The following PADI6 variants were observed in gnomAD, a reference collection of about 807,000 sequenced individuals.
The protein encoded by PADI6 is inactive protein-arginine deiminase type-6.
A neutral mutation model predicts 78.2 loss-of-function variants in PADI6; 66 were observed. The ratio of observed to expected loss-of-function variants is 0.84; its 90% CI spans 0.69 to 1.04. PADI6 has a LOEUF of 1.04. Among genes scored for constraint, PADI6 ranks in the 50% least tolerant of loss-of-function variants. PADI6 has a pLI of 0.00. For missense variants in PADI6, 854 were observed against 866.1 expected (o/e 0.99, Z 0.18); for synonymous variants, 397 against 346.9 (o/e 1.14, Z -1.60).
chr1:17,390,157 A>G (rs1028166032), intron 8 of PADI6, among the ~76,000 whole-genome samples: 5 of 151,728 alleles, frequency 3.3e-5, no homozygotes, highest in African/African-American at 4.8e-5. Context: ...AAAATTAGCC[A>G]GATGTGGTAG....
chr1:17,394,200 G>T, intron 10 of PADI6, 100 bp from the exon 11 acceptor site: 1 of 1,552,940 alleles, frequency 6.4e-7, no homozygotes, highest in South Asian at 1.1e-5. Flanking sequence ...AGGGGGGAGG[G>T]GACGTGGAAG....
At chr1:17,397,300 G>A (rs990831161) in intron 14 of PADI6, among the ~76,000 whole-genome samples, 159 bp downstream of exon 14, 9 of 145,594 alleles carry the variant, frequency 6.2e-5, no homozygotes, top group Non-Finnish European at 1.0e-4. Flanking sequence ...GCCCAGGTCT[G>A]GGGCTAGAGC....
intron 8 of PADI6, among the ~76,000 whole-genome samples, chr1:17,389,802 A>G: frequency 6.6e-6 from 1 of 152,264 alleles, no homozygotes; most frequent in East Asian, 1.9e-4. Context: ...GGCTCAAGCC[A>G]GGGTGGCAGG....
chr1:17,391,202 CCGTT>C (rs139300947), intron 8 of PADI6, among the ~76,000 whole-genome samples: 17,759 of 145,026 alleles, frequency 0.12, 1,115 homozygotes, highest in Middle Eastern at 0.22. Context: ...CCTGTTTGTT[CCGTT>C]TGTTTAAGAT....
At chr1:17,374,175 G>A (rs2074992917) in intron 2 of PADI6, among the ~76,000 whole-genome samples, 1 of 152,076 alleles carries the variant, frequency 6.6e-6, no homozygotes, top group Non-Finnish European at 1.5e-5. Flanking sequence ...CCATGATGGA[G>A]CAGTTCAGGA....
chr1:17,390,689 T>A (rs186493257), intron 8 of PADI6, among the ~76,000 whole-genome samples: 1 of 150,920 alleles, frequency 6.6e-6, no homozygotes, highest in African/African-American at 2.4e-5. Flanking sequence ...TCCTGGGGAG[T>A]GTGGTCCTCA....
At chr1:17,385,574 G>T (rs2075111798) in intron 6 of PADI6, among the ~76,000 whole-genome samples, 1 of 152,112 alleles carries the variant, frequency 6.6e-6, no homozygotes, top group Non-Finnish European at 1.5e-5. Flanking sequence ...TCATTGTAAT[G>T]GATGTCTAAG....
chr1:17,389,863 C>T (rs572715051), intron 8 of PADI6, among the ~76,000 whole-genome samples: 3 of 151,684 alleles, frequency 2.0e-5, no homozygotes, highest in East Asian at 2.0e-4. Context: ...CCGCCCCACT[C>T]GCTCCACACC....
At chr1:17,393,895 G>GA in intron 9 of PADI6, 80 bp from the exon 10 acceptor site, 1 of 1,294,906 alleles carries the variant, frequency 7.7e-7, no homozygotes, top group Non-Finnish European at 1.1e-6. Context: ...AAGGAAGGGG[G>GA]TTCTTACCGT....
At chr1:17,397,205 G>A (rs2075255685) in intron 14 of PADI6, 64 bp downstream of exon 14, 8 of 1,574,850 alleles carry the variant, frequency 5.1e-6, no homozygotes, top group Non-Finnish European at 6.1e-6. Context: ...TTGCAGGAAG[G>A]TTTCCACCCA....
At chr1:17,375,569 A>G (rs2075007416) in intron 3 of PADI6, 70 bp downstream of exon 3, 5 of 1,380,914 alleles carry the variant, frequency 3.6e-6, no homozygotes, top group Admixed American at 4.1e-5. Context: ...GTGGGATTGT[A>G]GGAGGAGCCA....
At chr1:17,373,447 C>G (rs552862896) in intron 2 of PADI6, among the ~76,000 whole-genome samples, 2 of 152,236 alleles carry the variant, frequency 1.3e-5, no homozygotes, top group South Asian at 4.1e-4. Flanking sequence ...GGTGCCCTGC[C>G]AAGTCAGCAA....
intron 4 of PADI6, 94 bp downstream of exon 4, chr1:17,380,081 A>G: frequency 2.4e-6 from 3 of 1,256,118 alleles, no homozygotes; most frequent in Admixed American, 1.8e-5. Context: ...TGTCTAGCCC[A>G]ATTGCTGTGA....
intron 3 of PADI6, 56 bp from the exon 4 acceptor site, chr1:17,379,864 T>G: frequency 6.6e-7 from 1 of 1,521,784 alleles, no homozygotes; most frequent in Non-Finnish European, 9.1e-7. Context: ...ACCTATAACT[T>G]TGAGGTTCCA....
chr1:17,373,503 AT>A (rs201367226), intron 2 of PADI6, among the ~76,000 whole-genome samples: 108 of 112,680 alleles, frequency 9.6e-4, no homozygotes, highest in South Asian at 3.7e-3. Context: ...ATTTATTATT[AT>A]TTTTTTTTTT....
chr1:17,396,576 T>C (rs1053681131), intron 13 of PADI6, among the ~76,000 whole-genome samples: 3 of 152,128 alleles, frequency 2.0e-5, no homozygotes, highest in Non-Finnish European at 2.9e-5. Flanking sequence ...CTCCTGGTCA[T>C]AGAAGCACCA....
chr1:17,387,397 ATAG>A (rs1218880964), intron 6 of PADI6, among the ~76,000 whole-genome samples: 1 of 151,182 alleles, frequency 6.6e-6, no homozygotes, highest in Non-Finnish European at 1.5e-5. Context: ...GTGAGCCGAG[ATAG>A]TGCCGCTACA....
At chr1:17,374,455 GTC>G (rs1253728861) in intron 2 of PADI6, among the ~76,000 whole-genome samples, 2 of 151,886 alleles carry the variant, frequency 1.3e-5, no homozygotes, top group South Asian at 2.1e-4. Context: ...GTGAAACGCT[GTC>G]TCTACTAAAA....
At chr1:17,393,828 C>G (rs1444862387) in intron 9 of PADI6, 147 bp from the exon 10 acceptor site, 1 of 686,514 alleles carries the variant, frequency 1.5e-6, no homozygotes, top group Non-Finnish European at 2.6e-6. Context: ...ATCGGAGAGC[C>G]TTCAAGAAGG....
Sources: gnomAD v4.1 joint callset for allele counts (sites outside exome capture counted in the v4.1 genomes callset) on GRCh38, gnomAD v4.1.1 for gene constraint, MANE v1.5 for transcripts, NCBI Gene and HGNC (gene_info 2026-07-23, HGNC 2026-07-21) for gene names.